The following WWOX variants were observed in gnomAD, a reference collection of about 807,000 sequenced individuals.
WWOX encodes WW domain-containing oxidoreductase.
A neutral mutation model predicts 46.2 loss-of-function variants in WWOX; 69 were observed. The observed-to-expected ratio is 1.49, with a 90% CI of 1.23 to 1.82. The LOEUF is 1.82. WWOX is among the 40% of genes most tolerant of loss of function. The pLI is 0.00. For missense variants in WWOX, 919 were observed against 542.6 expected (o/e 1.69, Z -6.89); for synonymous variants, 359 against 202.6 (o/e 1.77, Z -6.56).
chr16:78,938,004 G>C lies in WWOX; in HGVS notation c.1057-273604G>C, dbSNP rs940370199. Among the ~76,000 whole-genome samples, 5 of 152,146 alleles carry C rather than the reference G, an allele frequency of 3.3e-5. No homozygotes were observed. The South Asian group carries it at 1.0e-3, about 32-fold the overall frequency. ...ATCTGACTTAGTTCTCAAAGTCCTT[G>C]CCTAAGGTATTGCTGTCCTCACCGT... is the stretch of plus-strand genomic sequence containing the variant. On this transcript the variant is annotated intron_variant, in intron 8 of 8. Transcript: ENST00000566780.
chr16:78,507,852 A>G (rs967315231), intron 8 of WWOX, among the ~76,000 whole-genome samples: 66 of 152,118 alleles, frequency 4.3e-4, no homozygotes, highest in African/African-American at 1.5e-3. Context: ...AGCTTGTCCA[A>G]CCCATGGCCC....
At chr16:78,652,564 C>G (rs576580032) in intron 8 of WWOX, among the ~76,000 whole-genome samples, 2 of 152,256 alleles carry the variant, frequency 1.3e-5, no homozygotes, top group South Asian at 2.1e-4. Flanking sequence ...CTCTGGTGCT[C>G]CAGGTATTTC....
intron 8 of WWOX, among the ~76,000 whole-genome samples, chr16:78,966,012 A>C (rs2046357079): frequency 6.6e-6 from 1 of 152,184 alleles, no homozygotes; most frequent in Non-Finnish European, 1.5e-5. Context: ...GAATGGAAAA[A>C]GTTATCTCCA....
chr16:78,270,608 G>A lies in WWOX; in HGVS notation c.516+106319G>A, dbSNP rs62035667. ...TCTGCCATGAGTAACGAAGTCCTCT[G>A]TATCTGATCCTGGGTCTCCTGTTTT... is the stretch of plus-strand genomic sequence containing the variant. On this transcript the variant is annotated intron_variant, in intron 5 of 8. Transcript: ENST00000566780. 6.5e-3 allele frequency: 989 copies of A among 152,328 alleles called. 13 individuals carry two copies. Among genetic ancestry groups the A allele is most frequent in the South Asian group, 0.048 (232 of 4,830 alleles). The allele number at this position is 152,328 out of a possible 1,614,324, so 9.4% of individuals were successfully genotyped here. A position where few individuals can be genotyped will look rare whatever the true frequency, so the allele number is the denominator to read the frequency against.
chr16:78,507,924 T>C (rs1346647676), intron 8 of WWOX, among the ~76,000 whole-genome samples: 5 of 152,102 alleles, frequency 3.3e-5, no homozygotes, highest in Admixed American at 6.6e-5. Context: ...GTAAACTTTC[T>C]TAGAACATCA....
chr16:78,473,972 G>A (rs2084296301), intron 8 of WWOX, among the ~76,000 whole-genome samples: 1 of 152,192 alleles, frequency 6.6e-6, no homozygotes, highest in Admixed American at 6.5e-5. Context: ...TGTTCGAAAT[G>A]AATAGTCTTG....
intron 8 of WWOX, among the ~76,000 whole-genome samples, chr16:79,184,104 T>C (rs764769551): frequency 8.5e-5 from 13 of 152,142 alleles, no homozygotes; most frequent in Non-Finnish European, 1.6e-4. Flanking sequence ...GTGGCAGCAA[T>C]TGCCAGCACA....
intron 8 of WWOX, among the ~76,000 whole-genome samples, chr16:79,057,242 C>T (rs1158294230): frequency 1.3e-5 from 2 of 152,182 alleles, no homozygotes; most frequent in Admixed American, 1.3e-4. Context: ...GATACATCAC[C>T]AGTCTTCCAA....
At chr16:78,290,734 G>T (rs1316158158) in intron 5 of WWOX, among the ~76,000 whole-genome samples, 1 of 152,110 alleles carries the variant, frequency 6.6e-6, no homozygotes, top group Non-Finnish European at 1.5e-5. Context: ...TGTAATATGG[G>T]AAGTATGGTA....
chr16:79,118,033 A>G, intron 8 of WWOX, among the ~76,000 whole-genome samples: 1 of 152,212 alleles, frequency 6.6e-6, no homozygotes, highest in East Asian at 1.9e-4. Flanking sequence ...TTTTCTTTGC[A>G]TTCACAACTT....
At chr16:78,246,592 C>A (rs1445162256) in intron 5 of WWOX, among the ~76,000 whole-genome samples, 1 of 152,194 alleles carries the variant, frequency 6.6e-6, no homozygotes, top group Admixed American at 6.5e-5. Context: ...AAACCATCTT[C>A]CATCAAGTTG....
intron 8 of WWOX, among the ~76,000 whole-genome samples, chr16:78,989,895 G>A (rs950299730): frequency 6.6e-5 from 10 of 150,644 alleles, no homozygotes; most frequent in South Asian, 4.2e-4. Flanking sequence ...AAAGAGAGGC[G>A]GGGGATTCCA....
rs143647180 is a variant in WWOX, at chr16:78,566,080, G to T, written c.1056+133328G>T. 2.0e-5 allele frequency among the ~76,000 whole-genome samples: 3 copies of T among 152,262 alleles called. No homozygotes were observed. In the East Asian group the frequency reaches 5.8e-4, roughly 29 times the overall value. ...CCATGGGCACATTCTGTGCCTGCCT[G>T]AGGCTCTCTTTCTGGTTCCCAGATG... On this transcript the variant is annotated intron_variant, in intron 8 of 8. Coordinates refer to ENST00000566780, the MANE Select transcript of WWOX (RefSeq NM_016373.4).
At chr16:78,817,701 C>T (rs371316972) in intron 8 of WWOX, among the ~76,000 whole-genome samples, 14 of 152,262 alleles carry the variant, frequency 9.2e-5, no homozygotes, top group African/African-American at 2.6e-4. Flanking sequence ...GCCCTGTCTT[C>T]GCTTGGCTTC....
chr16:78,392,138 G>A (rs986682501), intron 6 of WWOX, among the ~76,000 whole-genome samples: 27 of 152,040 alleles, frequency 1.8e-4, no homozygotes, highest in Non-Finnish European at 2.9e-4. Context: ...TGGCATGGCA[G>A]GGAGTGAGTG....
intron 5 of WWOX, among the ~76,000 whole-genome samples, chr16:78,287,293 A>G (rs545323121): frequency 6.6e-6 from 1 of 152,198 alleles, no homozygotes; most frequent in African/African-American, 2.4e-5. Flanking sequence ...TAAGCAATCT[A>G]TGACACTCCT....
At chr16:78,583,543 C>T (rs1015295070) in intron 8 of WWOX, among the ~76,000 whole-genome samples, 4 of 152,182 alleles carry the variant, frequency 2.6e-5, no homozygotes, top group Non-Finnish European at 5.9e-5. Flanking sequence ...TGGGAAGATG[C>T]ACTTGGCAGC....
chr16:78,675,734 G>T (rs1294497018), intron 8 of WWOX, among the ~76,000 whole-genome samples: 3 of 152,164 alleles, frequency 2.0e-5, no homozygotes, highest in Non-Finnish European at 4.4e-5. Context: ...TGCACTTAGA[G>T]AGGGCAAGAC....
intron 8 of WWOX, among the ~76,000 whole-genome samples, chr16:79,079,592 C>G (rs890449456): frequency 6.6e-5 from 10 of 152,196 alleles, no homozygotes; most frequent in Non-Finnish European, 7.3e-5. Flanking sequence ...CCTTCTGAAA[C>G]TTTCCTTAAA....
Sources: gnomAD v4.1 joint callset for allele counts (sites outside exome capture counted in the v4.1 genomes callset) on GRCh38, gnomAD v4.1.1 for gene constraint, MANE v1.5 for transcripts, NCBI Gene and HGNC (gene_info 2026-07-23, HGNC 2026-07-21) for gene names.